Variants in PPP2CA observed in about 807,000 individuals in gnomAD.
The protein encoded by PPP2CA is serine/threonine-protein phosphatase 2A catalytic subunit alpha isoform.
PPP2CA carries 5 observed loss-of-function variants against 38.8 expected under a neutral mutation model. The observed-to-expected ratio is 0.13, with a 90% CI of 0.07 to 0.27. PPP2CA has a LOEUF of 0.27. PPP2CA is among the 10% of genes least tolerant of loss of function. PPP2CA has a pLI of 1.00. For synonymous variants in PPP2CA, 152 were observed against 134.0 expected (o/e 1.13, Z -0.93); for missense variants, 88 against 389.7 (o/e 0.23, Z 6.52).
At chr5:134,216,484 G>A (rs2149387432) in intron 1 of PPP2CA, among the ~76,000 whole-genome samples, 2 of 146,438 alleles carry the variant, frequency 1.4e-5, no homozygotes, top group South Asian at 2.2e-4. Context: ...AGGTTGCAGT[G>A]GGCTGAGATT....
chr5:134,211,641 T>C (rs1431415618), intron 1 of PPP2CA, among the ~76,000 whole-genome samples: 1 of 3,430 alleles, frequency 2.9e-4, no homozygotes, highest in African/African-American at 1.2e-3. Context: ...TCCCAGCTAA[T>C]TTTTTTTTTT....
chr5:134,209,760 A>G (rs1179933584), intron 1 of PPP2CA, among the ~76,000 whole-genome samples: 1 of 130,908 alleles, frequency 7.6e-6, no homozygotes, highest in Non-Finnish European at 1.6e-5. Flanking sequence ...CCAGAGTGAC[A>G]GAGCAAGACT....
chr5:134,205,613 C>T (rs1350066509), intron 2 of PPP2CA: 1 of 280,150 alleles, frequency 3.6e-6, no homozygotes, highest in Non-Finnish European at 7.0e-6. Context: ...GAACTCCTGA[C>T]CTCAGGTGAT....
At chr5:134,205,854 G>A (rs752041199) in intron 2 of PPP2CA, 68 bp downstream of exon 2, 3 of 1,343,400 alleles carry the variant, frequency 2.2e-6, no homozygotes, top group South Asian at 2.4e-5. Context: ...AAATAACTGG[G>A]GGAAAAAAAA....
intron 1 of PPP2CA, among the ~76,000 whole-genome samples, chr5:134,208,094 GT>G (rs372835408): frequency 6.1e-4 from 93 of 152,132 alleles, no homozygotes; most frequent in African/African-American, 2.2e-3. Context: ...ACTTGCAAAA[GT>G]TATTCAGAAG....
At chr5:134,220,975 T>C (rs139927454) in intron 1 of PPP2CA, among the ~76,000 whole-genome samples, 21 of 152,310 alleles carry the variant, frequency 1.4e-4, no homozygotes, top group South Asian at 6.2e-4. Flanking sequence ...TTCTGAATAG[T>C]GGGAATGTTC....
In PPP2CA at chr5:134,194,702, T is replaced by TG. The variant is rs1417130184; in HGVS notation, c.*3069dup. The TG allele has an allele frequency of 6.6e-6, 1 of 152,268 alleles. No individual in the cohort carries two copies. 9.4% of individuals were successfully genotyped at this position (152,268 alleles called of 1,614,324 possible). On this transcript the variant is annotated 3_prime_UTR_variant, in exon 7 of 7. Transcript: ENST00000481195. Reference sequence around the variant, plus strand: ...TGGGCTCACTGTAACCTCCTCCTCCTGAGTTCAAGTGATTCTCCTGCCTCA... The same window carrying TG: ...TGGGCTCACTGTAACCTCCTCCTCCTGGAGTTCAAGTGATTCTCCTGCCTCA...
At chr5:134,203,520 A>C (rs1762011147) in intron 2 of PPP2CA, 1 of 152,196 alleles carries the variant, frequency 6.6e-6, no homozygotes. Flanking sequence ...ATGGATGCTC[A>C]TCTTCTCCAT....
At chr5:134,211,374 T>C (rs1762199862) in intron 1 of PPP2CA, among the ~76,000 whole-genome samples, 1 of 152,118 alleles carries the variant, frequency 6.6e-6, no homozygotes, top group African/African-American at 2.4e-5. Context: ...TCAACATTCT[T>C]GAATACAGGC....
intron 1 of PPP2CA, among the ~76,000 whole-genome samples, chr5:134,206,637 C>G (rs545680437): frequency 6.6e-6 from 1 of 152,172 alleles, no homozygotes; most frequent in Admixed American, 6.5e-5. Flanking sequence ...CACAGGCACA[C>G]GCCACCATGG....
intron 1 of PPP2CA, among the ~76,000 whole-genome samples, chr5:134,215,796 ACT>A (rs1426109092): frequency 6.6e-6 from 1 of 151,872 alleles, no homozygotes; most frequent in Non-Finnish European, 1.5e-5. Flanking sequence ...TCCTAAGCAG[ACT>A]CTCACTCCCT....
In PPP2CA at chr5:134,226,011, C is replaced by G. The variant is rs897761896; in HGVS notation, c.-150G>C. ...TGGCCCGCTGGCTCTCACCGCAGTA[C>G]TCGGCCGTCGGCCGCTGCGCCTCCT... is the stretch of plus-strand genomic sequence containing the variant. On this transcript the variant is annotated 5_prime_UTR_variant, in exon 1 of 7. Transcript: ENST00000481195. The G allele has an allele frequency of 1.4e-5, 9 of 627,560 alleles. No homozygotes were observed. Among genetic ancestry groups the G allele is most frequent in the South Asian group, 2.0e-5 (1 of 48,890 alleles). The allele number at this position is 627,560 out of a possible 1,614,324, so 38.9% of individuals were successfully genotyped here.
chr5:134,215,039 GA>G (rs35012686), intron 1 of PPP2CA, among the ~76,000 whole-genome samples: 4 of 147,080 alleles, frequency 2.7e-5, no homozygotes, highest in South Asian at 4.2e-4. Context: ...CTGCATCCAA[GA>G]AAAAAAAAAT....
At chr5:134,207,426 A>T (rs986823932) in intron 1 of PPP2CA, among the ~76,000 whole-genome samples, 22 of 152,144 alleles carry the variant, frequency 1.4e-4, no homozygotes, top group African/African-American at 5.3e-4. Flanking sequence ...AAAAACACCA[A>T]TGCCCATTCC....
chr5:134,210,794 G>A (rs966121529), intron 1 of PPP2CA, among the ~76,000 whole-genome samples: 7 of 152,140 alleles, frequency 4.6e-5, no homozygotes, highest in African/African-American at 1.2e-4. Context: ...TACAGCCTAG[G>A]TGACAAAGCG....
rs188448871 is a variant in PPP2CA at position 134,198,488 on chromosome 5, T to G, written c.857+598A>C. Among the ~76,000 whole-genome samples the G allele has an allele frequency of 2.1e-3, 321 of 152,286 alleles. 2 individuals carry two copies. The highest frequency in any genetic ancestry group is 4.0e-3 in the Non-Finnish European group (272 of 68,008). On this transcript the variant is annotated intron_variant, in intron 6 of 6. Coordinates refer to ENST00000481195, the MANE Select transcript of PPP2CA (RefSeq NM_002715.4). Reference sequence around the variant, plus strand: ...AGATCTATATATAATAAGTTCCTGTTGGTGTGTTTCAATGTAGATCCATTA... The same window carrying G: ...AGATCTATATATAATAAGTTCCTGTGGGTGTGTTTCAATGTAGATCCATTA...
In PPP2CA at chr5:134,197,608, G is replaced by A. The variant is rs1580634579; in HGVS notation, c.*164C>T. ...TTCTAAAGTGGTCACGGCTGTTGAT[G>A]ACAAGAGGCTTTGTATTTTTATATG... On this transcript the variant is annotated 3_prime_UTR_variant, in exon 7 of 7. Coordinates refer to ENST00000481195, the MANE Select transcript of PPP2CA (RefSeq NM_002715.4). 1.6e-6 allele frequency: 1 copy of A among 613,342 alleles called. No homozygotes were observed. Among genetic ancestry groups the A allele is most frequent in the Non-Finnish European group, 2.9e-6 (1 of 343,646 alleles). The allele number at this position is 613,342 out of a possible 1,614,324, so 38.0% of individuals were successfully genotyped here.
At chr5:134,217,652 G>C (rs1762349920) in intron 1 of PPP2CA, among the ~76,000 whole-genome samples, 1 of 152,168 alleles carries the variant, frequency 6.6e-6, no homozygotes, top group Non-Finnish European at 1.5e-5. Context: ...TAGTGTACAG[G>C]GCTAGAGTTT....
chr5:134,199,497 TG>T (rs1241960546), intron 5 of PPP2CA: 1 of 247,248 alleles, frequency 4.0e-6, no homozygotes, highest in Non-Finnish European at 7.8e-6. Context: ...ATACTTCTCA[TG>T]TATCTGCCTT....
Sources: allele counts gnomAD v4.1 joint callset (sites outside exome capture counted in the v4.1 genomes callset), GRCh38; gene constraint gnomAD v4.1.1; transcripts MANE v1.5; gene names NCBI Gene and HGNC (gene_info 2026-07-23, HGNC 2026-07-21).